The following XPNPEP3 variants were observed in gnomAD, a reference collection of about 807,000 sequenced individuals.
The protein encoded by XPNPEP3 is xaa-Pro aminopeptidase 3.
In XPNPEP3, 41 loss-of-function variants were observed where a neutral mutation model predicts 60.0. That is an observed-to-expected ratio of 0.68 (90% CI 0.53 to 0.89). The LOEUF is 0.89. XPNPEP3 is among the 40% of genes least tolerant of loss of function. The pLI is 0.00. For missense variants in XPNPEP3, 598 were observed against 638.9 expected, an observed-to-expected ratio of 0.94 and a Z score of 0.69; for synonymous variants, 212 against 223.2, an observed-to-expected ratio of 0.95 and a Z score of 0.45.
At chr22:40,894,497 G>A (rs371659273) in intron 4 of XPNPEP3, among the ~76,000 whole-genome samples, 41 of 152,086 alleles carry the variant, frequency 2.7e-4, no homozygotes, top group African/African-American at 9.4e-4. Flanking sequence ...AACCTTTCCC[G>A]CTGAAGGAAA....
intron 7 of XPNPEP3, among the ~76,000 whole-genome samples, chr22:40,918,153 G>A (rs752335071): frequency 7.2e-5 from 11 of 151,920 alleles, no homozygotes; most frequent in Non-Finnish European, 1.2e-4. Context: ...AGGAGGATCA[G>A]TTGAGGCCAG....
At chr22:40,860,698 G>C in intron 1 of XPNPEP3, 1 of 1,115,392 alleles carries the variant, frequency 9.0e-7, no homozygotes, top group Non-Finnish European at 1.3e-6. Context: ...TGTCACCCAA[G>C]CTGGAGTGCA....
chr22:40,887,647 A>C (rs1442371792), intron 4 of XPNPEP3, among the ~76,000 whole-genome samples: 1 of 152,120 alleles, frequency 6.6e-6, no homozygotes, highest in African/African-American at 2.4e-5. Flanking sequence ...TAGAGATTAG[A>C]GCTTTAACAC....
At chr22:40,876,772 G>A (rs2058029061) in intron 2 of XPNPEP3, among the ~76,000 whole-genome samples, 1 of 152,148 alleles carries the variant, frequency 6.6e-6, no homozygotes, top group Non-Finnish European at 1.5e-5. Context: ...ATACTATCTG[G>A]TAATATTTTT....
intron 4 of XPNPEP3, among the ~76,000 whole-genome samples, chr22:40,904,571 C>G (rs2058147264): frequency 6.6e-6 from 1 of 152,050 alleles, no homozygotes; most frequent in Non-Finnish European, 1.5e-5. Flanking sequence ...TTTTTTTAAG[C>G]CATGACAACA....
At chr22:40,859,895 A>C (rs550741926) in intron 1 of XPNPEP3, 1 of 152,308 alleles carries the variant, frequency 6.6e-6, no homozygotes, top group East Asian at 1.9e-4. Flanking sequence ...ATTTTAGAGT[A>C]ATGTATTTGT....
rs1475026739 is a variant in XPNPEP3 at position 40,882,168 on chromosome 22, A to C, written c.580A>C (p.Lys194Gln). 2 of 1,614,086 alleles carry C rather than the reference A, an allele frequency of 1.2e-6. No homozygotes were observed. Among genetic ancestry groups the C allele is most frequent in the African/African-American group, 2.7e-5 (2 of 74,938 alleles). The change falls in exon 3 of 10, where the codon AAA becomes CAA. Residue 194 changes from lysine (K) to glutamine (Q), a missense_variant. By Grantham distance (53) the Lys-to-Gln change is moderately conservative. Transcript: ENST00000357137. ...AGAAGAATTTCAACATCTTCTACCA[A>C]AAATGAAAGGTAACAAATGGGAGCA... ...TLEEFQHLLP[K>Q]MKAETNMVWY...
At chr22:40,888,483 G>C (rs969769991) in intron 4 of XPNPEP3, 1 of 395,306 alleles carries the variant, frequency 2.5e-6, no homozygotes, top group African/African-American at 2.1e-5. Flanking sequence ...AGCTCAAGCA[G>C]TCCGCCCACC....
intron 1 of XPNPEP3, among the ~76,000 whole-genome samples, chr22:40,865,561 C>T (rs2057974325): frequency 6.6e-6 from 1 of 152,066 alleles, no homozygotes; most frequent in South Asian, 2.1e-4. Flanking sequence ...CTCCCGACCT[C>T]AGGTGATCCA....
intron 5 of XPNPEP3, among the ~76,000 whole-genome samples, chr22:40,908,229 A>G (rs2058163719): frequency 6.6e-6 from 1 of 151,760 alleles, no homozygotes; most frequent in Non-Finnish European, 1.5e-5. Flanking sequence ...AAAAAAAAAA[A>G]GAGGCTGAGG....
Position 40,931,429 on chromosome 22 carries a change from T to C in XPNPEP3, c.*4994T>C, listed in dbSNP as rs2058254262. 6.6e-6 allele frequency: 1 copy of C among 152,188 alleles called. No individual in the cohort carries two copies. The highest frequency in any genetic ancestry group is 2.1e-4 in the South Asian group (1 of 4,826). 9.4% of individuals were successfully genotyped at this position (152,188 alleles called of 1,614,324 possible). On this transcript the variant is annotated 3_prime_UTR_variant, in exon 10 of 10. Transcript: ENST00000357137. Reference sequence around the variant, plus strand: ...AAACACAACAGTATAAATACTATAGTAAAGTTGGGTGCAGTGGATCACAGC... The same window carrying C: ...AAACACAACAGTATAAATACTATAGCAAAGTTGGGTGCAGTGGATCACAGC...
At chr22:40,918,917 A>ACTGCAACCTCCGGCTCC (rs2058206375) in intron 7 of XPNPEP3, among the ~76,000 whole-genome samples, 2 of 147,670 alleles carry the variant, frequency 1.4e-5, no homozygotes, top group Non-Finnish European at 3.0e-5. Context: ...ATCTTGGCTC[A>ACTGCAACCTCCGGCTCC]CTGCAACCTC....
chr22:40,921,220 A>G (rs1319510727), intron 7 of XPNPEP3, among the ~76,000 whole-genome samples: 1 of 152,156 alleles, frequency 6.6e-6, no homozygotes, highest in Non-Finnish European at 1.5e-5. Context: ...CTCAAGGGAC[A>G]TACCTACAAG....
intron 4 of XPNPEP3, among the ~76,000 whole-genome samples, chr22:40,900,587 C>T (rs2058128211): frequency 6.6e-6 from 1 of 151,900 alleles, no homozygotes; most frequent in Admixed American, 6.6e-5. Context: ...GCCTGGGCAA[C>T]AGAGCAAGAC....
chr22:40,900,035 A>G (rs951911105), intron 4 of XPNPEP3, among the ~76,000 whole-genome samples: 6 of 152,056 alleles, frequency 3.9e-5, no homozygotes, highest in Admixed American at 1.3e-4. Context: ...ACTGCATTCC[A>G]GCCTGGGCAA....
intron 1 of XPNPEP3, among the ~76,000 whole-genome samples, chr22:40,863,619 A>C (rs115169219): frequency 2.0e-5 from 3 of 152,206 alleles, no homozygotes; most frequent in African/African-American, 7.2e-5. Flanking sequence ...GTATGTGCTT[A>C]CATGTACTTA....
intron 8 of XPNPEP3, among the ~76,000 whole-genome samples, chr22:40,923,547 T>A (rs1298349479): frequency 6.6e-6 from 1 of 151,982 alleles, no homozygotes; most frequent in Admixed American, 6.6e-5. Context: ...AATCTTTAAC[T>A]AACTGACGGA....
At chr22:40,920,435 G>T (rs2058212147) in intron 7 of XPNPEP3, among the ~76,000 whole-genome samples, 2 of 152,128 alleles carry the variant, frequency 1.3e-5, no homozygotes, top group South Asian at 2.1e-4. Context: ...TCTGTATAAG[G>T]CTTGAGTCCA....
chr22:40,906,756 C>T (rs1601514184), intron 4 of XPNPEP3, among the ~76,000 whole-genome samples: 1 of 152,126 alleles, frequency 6.6e-6, no homozygotes, highest in Admixed American at 6.5e-5. Flanking sequence ...GTATGTTTGT[C>T]CTGCTATTAC....
Sources: allele counts gnomAD v4.1 joint callset (sites outside exome capture counted in the v4.1 genomes callset), GRCh38; gene constraint gnomAD v4.1.1; transcripts MANE v1.5; gene names NCBI Gene and HGNC (gene_info 2026-07-23, HGNC 2026-07-21).